PPFIBP1: variants seen among roughly 807,000 people sequenced by gnomAD.
PPFIBP1 encodes liprin-beta-1.
PPFIBP1 carries 112 observed loss-of-function variants against 137.8 expected under a neutral mutation model. The observed-to-expected ratio is 0.81, with a 90% confidence interval of 0.70 to 0.95. PPFIBP1 has a LOEUF of 0.95. Among genes scored for constraint, PPFIBP1 ranks in the 40% least tolerant of loss-of-function variants. PPFIBP1 has a pLI of 0.00. For synonymous variants in PPFIBP1, 378 were observed against 417.3 expected, an observed-to-expected ratio of 0.91 and a Z score of 1.15; for missense variants, 1,083 against 1,196.6, an observed-to-expected ratio of 0.91 and a Z score of 1.40.
intron 12 of PPFIBP1, among the ~76,000 whole-genome samples, chr12:27,666,286 C>T (rs910308096): frequency 1.3e-5 from 2 of 152,026 alleles, no homozygotes; most frequent in Non-Finnish European, 2.9e-5. Context: ...ATGTTCTGTT[C>T]CAATAAAGAG....
chr12:27,654,831 G>C lies in PPFIBP1; in HGVS notation c.696+17G>C, dbSNP rs781327153. ...TCAACCAAAGTAAGTTTTTCTCACA[G>C]GTTAACATTTTCAAACAAATGGCAT... On this transcript the variant is annotated intron_variant, in intron 8 of 29. Coordinates refer to ENST00000228425, the MANE Select transcript of PPFIBP1 (RefSeq NM_003622.4). The C allele has an allele frequency of 3.7e-6, 6 of 1,606,064 alleles. No homozygotes were observed. The Admixed American group carries it at 6.8e-5, about 18-fold the overall frequency.
Position 27,536,526 on chromosome 12 carries a change from C to T in PPFIBP1, c.-124+12161C>T, listed in dbSNP as rs1305528242. On this transcript the variant is annotated intron_variant, in intron 1 of 29. Transcript: ENST00000228425. Reference sequence around the variant, plus strand: ...CAGACTCTTAAACAACCAGATCTCCCATGAACGAATTGAGCAAGATTCACC... The same window carrying T: ...CAGACTCTTAAACAACCAGATCTCCTATGAACGAATTGAGCAAGATTCACC... Among the ~76,000 whole-genome samples the T allele has an allele frequency of 2.6e-5, 4 of 152,038 alleles. No homozygotes were observed. In the East Asian group the frequency reaches 7.7e-4, roughly 29 times the overall value.
At chr12:27,537,434 C>G (rs913491389) in intron 1 of PPFIBP1, among the ~76,000 whole-genome samples, 2 of 152,064 alleles carry the variant, frequency 1.3e-5, no homozygotes. Context: ...CCCGGCCCCC[C>G]GTTTCCTTAT....
intron 2 of PPFIBP1, among the ~76,000 whole-genome samples, chr12:27,601,118 C>T (rs2053939942): frequency 6.6e-6 from 1 of 152,116 alleles, no homozygotes; most frequent in Non-Finnish European, 1.5e-5. Flanking sequence ...CTTCCCTTTC[C>T]CTCTTTACTC....
rs2052686137 is a variant in PPFIBP1 at position 27,592,855 on chromosome 12, G to C, written c.-36+14616G>C. 1.3e-5 allele frequency: 7 copies of C among 552,252 alleles called. No homozygotes were observed. The East Asian group carries it at 2.2e-4, about 17-fold the overall frequency. 34.2% of individuals were successfully genotyped at this position (552,252 alleles called of 1,614,324 possible). Reference sequence around the variant, plus strand: ...CATCCTTTTAGCAAAAATAGCCCAAGTAGGCTGGGTGCGATGGCTCACACC... The same window carrying C: ...CATCCTTTTAGCAAAAATAGCCCAACTAGGCTGGGTGCGATGGCTCACACC... On this transcript the variant is annotated intron_variant, in intron 2 of 29. Coordinates refer to ENST00000228425, the MANE Select transcript of PPFIBP1 (RefSeq NM_003622.4).
At position 27,674,177 on chromosome 12, in the gene PPFIBP1, T is replaced by C; in HGVS notation, c.1381-15T>C. On this transcript the variant is annotated splice_polypyrimidine_tract_variant and intron_variant, in intron 16 of 29. Coordinates refer to ENST00000228425, the MANE Select transcript of PPFIBP1 (RefSeq NM_003622.4). ...TTTCCCTAACAACCTTAAATATTGT[T>C]ATTGCTTTGAACAGGAAAAGGAAAC... is the stretch of plus-strand genomic sequence containing the variant. 6.3e-7 allele frequency: 1 copy of C among 1,587,642 alleles called. No individual in the cohort carries two copies. The highest frequency in any genetic ancestry group is 1.2e-5 in the South Asian group (1 of 86,172).
intron 1 of PPFIBP1, among the ~76,000 whole-genome samples, chr12:27,569,021 A>G (rs962139517): frequency 1.3e-5 from 2 of 152,080 alleles, no homozygotes; most frequent in South Asian, 2.1e-4. Flanking sequence ...TCATGCCCCA[A>G]CTGAATCCCC....
rs535229780 is a variant in PPFIBP1 at position 27,565,757 on chromosome 12, G to A, written c.-123-12395G>A. 1.1e-3 allele frequency among the ~76,000 whole-genome samples: 166 copies of A among 152,186 alleles called. 1 individual carries two copies. Among genetic ancestry groups the A allele is most frequent in the African/African-American group, 3.6e-3 (149 of 41,520 alleles). ...TTCACTCCTTTTAACACCTACAGTCGTTTGTCTTCACGACTTCTCTGAAGC... is the reference window on the plus strand; with the variant it reads ...TTCACTCCTTTTAACACCTACAGTCATTTGTCTTCACGACTTCTCTGAAGC... On this transcript the variant is annotated intron_variant, in intron 1 of 29. Coordinates refer to ENST00000228425, the MANE Select transcript of PPFIBP1 (RefSeq NM_003622.4).
At chr12:27,568,070 T>C (rs1433390670) in intron 1 of PPFIBP1, among the ~76,000 whole-genome samples, 1 of 152,124 alleles carries the variant, frequency 6.6e-6, no homozygotes, top group African/African-American at 2.4e-5. Flanking sequence ...GGGAAAAGAA[T>C]AAAATTTGCC....
chr12:27,690,094 A>G (rs1415292363), intron 27 of PPFIBP1, among the ~76,000 whole-genome samples: 5 of 151,700 alleles, frequency 3.3e-5, no homozygotes, highest in African/African-American at 1.2e-4. Context: ...ATGTCTAGCT[A>G]TCTGCCCACT....
At chr12:27,616,813 GATCTGGAGTA>G in intron 2 of PPFIBP1, among the ~76,000 whole-genome samples, 1 of 152,206 alleles carries the variant, frequency 6.6e-6, no homozygotes, top group Non-Finnish European at 1.5e-5. Flanking sequence ...AGTGTGGGGG[GATCTGGAGTA>G]ATCTGCTGAG....
At position 27,593,129 on chromosome 12, in the gene PPFIBP1, C is replaced by CAAAAAAA. The variant is rs33939858; in HGVS notation, c.-36+14905_-36+14911dup. ...CCTGGGCAACGGAGAAAGAATGTCT[C>CAAAAAAA]AAAAAAAAAAAAAAAAAAAAAGCCC... is the stretch of plus-strand genomic sequence containing the variant. On this transcript the variant is annotated intron_variant, in intron 2 of 29. Transcript: ENST00000228425. Among the ~76,000 whole-genome samples the CAAAAAAA allele has an allele frequency of 4.4e-3, 438 of 100,662 alleles. 3 individuals carry two copies. Among genetic ancestry groups the CAAAAAAA allele is most frequent in the Non-Finnish European group, 5.2e-3 (272 of 52,694 alleles). The allele number at this position is 100,662 out of a possible 152,430, so 66.0% of individuals were successfully genotyped here. A position where few individuals can be genotyped will look rare whatever the true frequency, so the allele number is the denominator to read the frequency against.
At chr12:27,614,864 A>G (rs1276438495) in intron 2 of PPFIBP1, among the ~76,000 whole-genome samples, 2 of 152,234 alleles carry the variant, frequency 1.3e-5, no homozygotes. Flanking sequence ...CACAACTTCA[A>G]AATGACAATT....
chr12:27,693,080 G>A lies in PPFIBP1; in HGVS notation c.*198G>A. 1.5e-6 allele frequency: 1 copy of A among 656,792 alleles called. No homozygotes were observed. Among genetic ancestry groups the A allele is most frequent in the Non-Finnish European group, 2.3e-6 (1 of 430,316 alleles). The allele number at this position is 656,792 out of a possible 1,614,324, so 40.7% of individuals were successfully genotyped here. A position where few individuals can be genotyped will look rare whatever the true frequency, so the allele number is the denominator to read the frequency against. On this transcript the variant is annotated 3_prime_UTR_variant, in exon 30 of 30. Transcript: ENST00000228425. ...CAAAAAATAAGACACTGGTGAATGA[G>A]AGTATAATTGTTTTTCTTCTATTTA...
At chr12:27,527,945 T>TTTTG (rs1160570156) in intron 1 of PPFIBP1, among the ~76,000 whole-genome samples, 1 of 151,858 alleles carries the variant, frequency 6.6e-6, no homozygotes, top group Non-Finnish European at 1.5e-5. Context: ...TTCTTTGCTT[T>TTTTG]TTTGTTTGTT....
At chr12:27,580,025 A>T (rs2050940396) in intron 2 of PPFIBP1, among the ~76,000 whole-genome samples, 1 of 152,094 alleles carries the variant, frequency 6.6e-6, no homozygotes, top group East Asian at 1.9e-4. Flanking sequence ...CAGAAAAGAG[A>T]TGTGTCTGGA....
chr12:27,529,298 G>A (rs1165200310), intron 1 of PPFIBP1, among the ~76,000 whole-genome samples: 2 of 152,194 alleles, frequency 1.3e-5, no homozygotes, highest in East Asian at 3.8e-4. Context: ...GTTCAGAAGA[G>A]TAGGTATGCT....
At chr12:27,560,753 G>C (rs981313940) in intron 1 of PPFIBP1, among the ~76,000 whole-genome samples, 6 of 152,208 alleles carry the variant, frequency 3.9e-5, no homozygotes, top group African/African-American at 1.2e-4. Context: ...TCTAAATCCA[G>C]CCCTCCTGGT....
chr12:27,538,514 A>C (rs1031685955), intron 1 of PPFIBP1, among the ~76,000 whole-genome samples: 1 of 152,172 alleles, frequency 6.6e-6, no homozygotes, highest in Non-Finnish European at 1.5e-5. Context: ...GAAACTGAGA[A>C]TTTTTTCCAA....
Sources: gnomAD v4.1 joint callset for allele counts (sites outside exome capture counted in the v4.1 genomes callset) on GRCh38, gnomAD v4.1.1 for gene constraint, MANE v1.5 for transcripts, NCBI Gene and HGNC (gene_info 2026-07-23, HGNC 2026-07-21) for gene names.